The following MICU3 variants were observed in gnomAD, a reference collection of about 807,000 sequenced individuals.
MICU3 encodes the protein calcium uptake protein 3, mitochondrial.
In MICU3, 62 loss-of-function variants were observed where a neutral mutation model predicts 66.5. That is an observed-to-expected ratio of 0.93 (90% CI 0.76 to 1.15). The LOEUF is 1.15. MICU3 is among the 50% of genes most tolerant of loss of function. The pLI is 0.00. For missense variants in MICU3, 779 were observed against 664.4 expected, an observed-to-expected ratio of 1.17 and a Z score of -1.90; for synonymous variants, 308 against 240.7, an observed-to-expected ratio of 1.28 and a Z score of -2.59.
chr8:17,101,532 A>T (rs2089136790), intron 9 of MICU3, among the ~76,000 whole-genome samples: 1 of 151,910 alleles, frequency 6.6e-6, no homozygotes, highest in South Asian at 2.1e-4. Context: ...TGATGCTGAA[A>T]GACTGTTAAG....
chr8:17,066,543 AT>A (rs777756919), intron 2 of MICU3, among the ~76,000 whole-genome samples: 19,814 of 104,076 alleles, frequency 0.19, 1,584 homozygotes, highest in African/African-American at 0.33. Context: ...ATATATATAG[AT>A]TTTTTTTTTT....
chr8:17,055,519 C>T (rs893421229), intron 1 of MICU3, among the ~76,000 whole-genome samples: 4 of 152,188 alleles, frequency 2.6e-5, no homozygotes, highest in African/African-American at 9.7e-5. Context: ...TCTTCATTTT[C>T]CATCCTTACT....
At chr8:17,031,245 C>A (rs1042719572) in intron 1 of MICU3, among the ~76,000 whole-genome samples, 2 of 144,428 alleles carry the variant, frequency 1.4e-5, no homozygotes, top group Admixed American at 1.4e-4. Context: ...TTATTTTAAA[C>A]CTATGCTGCC....
intron 1 of MICU3, among the ~76,000 whole-genome samples, chr8:17,042,423 T>C (rs540775717): frequency 1.5e-3 from 226 of 152,372 alleles, no homozygotes; most frequent in African/African-American, 5.2e-3. Flanking sequence ...TTTATGGCAT[T>C]GTCTATCTAG....
Position 17,112,393 on chromosome 8 carries a change from T to C in MICU3, c.1258-1700T>C, listed in dbSNP as rs1489520816. 2.0e-5 allele frequency among the ~76,000 whole-genome samples: 3 copies of C among 152,196 alleles called. 1 individual carries two copies. The East Asian group carries it at 5.8e-4, about 29-fold the overall frequency. On this transcript the variant is annotated intron_variant, in intron 11 of 14. Transcript: ENST00000318063. The stretch of plus-strand genomic sequence containing the variant: ...CCTGATGGTTTATTCCAGTAGTGAT[T>C]CTGAGTGTGAGGATGGTAGAGTGAA...
intron 1 of MICU3, chr8:17,049,544 A>G (rs1815690763): frequency 5.9e-6 from 3 of 510,786 alleles, no homozygotes; most frequent in Non-Finnish European, 1.2e-5. Context: ...TGAAAATGCT[A>G]AAGTTTGCAG....
chr8:17,124,663 C>T (rs1191836728), downstream of MICU3, among the ~76,000 whole-genome samples: 1 of 151,340 alleles, frequency 6.6e-6, no homozygotes, highest in African/African-American at 2.4e-5. Flanking sequence ...CTCCATATTT[C>T]CTGAGAAAGT....
At chr8:17,045,234 A>C (rs1814867826) in intron 1 of MICU3, among the ~76,000 whole-genome samples, 1 of 152,134 alleles carries the variant, frequency 6.6e-6, no homozygotes, top group Non-Finnish European at 1.5e-5. Flanking sequence ...GCTCGTAACT[A>C]CCATAGTCCT....
intron 1 of MICU3, among the ~76,000 whole-genome samples, chr8:17,042,931 ATTTT>A (rs996846253): frequency 4.0e-4 from 33 of 82,152 alleles, no homozygotes; most frequent in African/African-American, 1.9e-3. Context: ...ATTCAAAGTG[ATTTT>A]TTTTTTTTTT....
At chr8:17,053,837 G>A (rs2150579100) in intron 1 of MICU3, among the ~76,000 whole-genome samples, 1 of 152,294 alleles carries the variant, frequency 6.6e-6, no homozygotes, top group Admixed American at 6.5e-5. Context: ...TAGCAAATGT[G>A]AAAAGGGTGT....
chr8:17,029,930 A>G (rs1345362302), intron 1 of MICU3, among the ~76,000 whole-genome samples: 2 of 152,020 alleles, frequency 1.3e-5, no homozygotes, highest in South Asian at 2.1e-4. Context: ...TCATTCTTAT[A>G]TTTCGGTTTT....
At chr8:17,127,109 A>G (rs183274294), downstream of MICU3, among the ~76,000 whole-genome samples, 418 of 152,336 alleles carry the variant, frequency 2.7e-3, 6 homozygotes, top group African/African-American at 9.4e-3. Flanking sequence ...AAAGACAGTA[A>G]AGATATTTTG....
chr8:17,113,691 CA>C (rs1357885648), intron 11 of MICU3, among the ~76,000 whole-genome samples: 1 of 152,092 alleles, frequency 6.6e-6, no homozygotes, highest in Non-Finnish European at 1.5e-5. Context: ...AATACATGTG[CA>C]GGGGAAACTT....
intron 9 of MICU3, among the ~76,000 whole-genome samples, chr8:17,099,921 C>CT (rs1438294574): frequency 6.6e-6 from 1 of 151,716 alleles, no homozygotes; most frequent in Non-Finnish European, 1.5e-5. Flanking sequence ...ACAAAATCTG[C>CT]TAATCAGATG....
At chr8:17,099,910 G>C (rs1801111226) in intron 9 of MICU3, among the ~76,000 whole-genome samples, 1 of 151,712 alleles carries the variant, frequency 6.6e-6, no homozygotes, top group African/African-American at 2.4e-5. Flanking sequence ...TTCTCAGTTA[G>C]ACAAAATCTG....
chr8:17,130,303 C>T, the MICU3 span, among the ~76,000 whole-genome samples: 73 of 152,092 alleles, frequency 4.8e-4, no homozygotes, highest in Non-Finnish European at 9.0e-4. Flanking sequence ...GGCGGTGGGT[C>T]GCCTGAGGGT....
chr8:17,100,355 A>G (rs1189468399), intron 9 of MICU3, among the ~76,000 whole-genome samples: 3 of 151,946 alleles, frequency 2.0e-5, no homozygotes, highest in Non-Finnish European at 2.9e-5. Flanking sequence ...AAGAAAGGAA[A>G]AAGAGGAAAA....
chr8:17,097,648 A>G (rs1180604701), intron 8 of MICU3, among the ~76,000 whole-genome samples: 4 of 151,742 alleles, frequency 2.6e-5, no homozygotes, highest in East Asian at 3.9e-4. Flanking sequence ...GCAGCATTTC[A>G]TCTCACATTA....
chr8:17,095,798 C>T (rs1367998468), intron 8 of MICU3, among the ~76,000 whole-genome samples: 1 of 151,516 alleles, frequency 6.6e-6, no homozygotes, highest in Non-Finnish European at 1.5e-5. Context: ...TCCTTTCTTG[C>T]TGCCTTCCTC....
Sources: gnomAD v4.1 joint callset for allele counts (sites outside exome capture counted in the v4.1 genomes callset) on GRCh38, gnomAD v4.1.1 for gene constraint, MANE v1.5 for transcripts, NCBI Gene and HGNC (gene_info 2026-07-23, HGNC 2026-07-21) for gene names.